PARP9: variants seen among roughly 807,000 people sequenced by gnomAD.
The protein encoded by PARP9 is protein mono-ADP-ribosyltransferase PARP9.
A neutral mutation model predicts 68.8 loss-of-function variants in PARP9; 48 were observed. The observed-to-expected ratio is 0.70, with a 90% CI of 0.55 to 0.89. The LOEUF is 0.89. Ranked by LOEUF, PARP9 falls within the 40% of genes least tolerant of loss-of-function variation. The pLI is 0.00. For missense variants in PARP9, 806 were observed against 969.3 expected (o/e 0.83, Z 2.24); for synonymous variants, 309 against 333.8 (o/e 0.93, Z 0.81).
chr3:122,545,729 G>C (rs2078654090), intron 6 of PARP9: 1 of 521,012 alleles, frequency 1.9e-6, no homozygotes, highest in Admixed American at 3.5e-5. Context: ...TATAAATAAA[G>C]AAGACTATAC....
At position 122,550,809 on chromosome 3, in the gene PARP9, GAAAACACAAATTTAAGATCAGCATT is replaced by G; in HGVS notation, c.1108-32_1108-8del. On this transcript the variant is annotated splice_polypyrimidine_tract_variant and splice_region_variant and intron_variant, in intron 5 of 10. Coordinates refer to ENST00000682323, the MANE Select transcript of PARP9 (RefSeq NM_001146105.2). ...TCATTGCATGTTTTAATATCTGCAG[GAAAACACAAATTTAAGATCAGCATT>G]TGAGTCAAGAACAAGACTCCACTTA... 3 of 1,607,216 alleles carry G rather than the reference GAAAACACAAATTTAAGATCAGCATT, an allele frequency of 1.9e-6. No homozygotes were observed. The highest frequency in any genetic ancestry group is 2.6e-6 in the Non-Finnish European group (3 of 1,174,608).
chr3:122,538,658 C>CCACA (rs10577699), intron 8 of PARP9, among the ~76,000 whole-genome samples: 11,131 of 144,916 alleles, frequency 0.077, 501 homozygotes, highest in Middle Eastern at 0.13. Context: ...TAAAGCAATG[C>CCACA]CACACACACA....
Position 122,540,685 on chromosome 3 carries a change from A to T in PARP9, c.1552T>A (p.Tyr518Asn). Residue 518 changes from tyrosine to asparagine, a missense_variant, in exon 8 of 11, where the codon TAC becomes AAC. Physicochemically the swap from Tyr to Asn is moderately radical, Grantham distance 143 (BLOSUM62 -2). Transcript: ENST00000682323. ...ATGTCATGTTCCTTTCTCCCAAGGT[A>T]CAGAATATGATTATTCTCAATGATG... ...HHIIENNHIL[Y>N]LGRKEHDILS... is the part of the protein sequence containing the mutation. 2 of 1,614,154 alleles carry T rather than the reference A, an allele frequency of 1.2e-6. No homozygotes were observed. The highest frequency in any genetic ancestry group is 1.7e-6 in the Non-Finnish European group (2 of 1,180,020).
At position 122,563,599 on chromosome 3, in the gene PARP9, G is replaced by C. The variant is rs565880445; in HGVS notation, c.-90+646C>G. On this transcript the variant is annotated intron_variant, in intron 1 of 10. Coordinates refer to ENST00000682323, the MANE Select transcript of PARP9 (RefSeq NM_001146105.2). ...CTGCTGGACAGTGCCCATCTAGGTA[G>C]GCTCTCCCTCCTTCATCCCCTCACC... is the stretch of plus-strand genomic sequence containing the variant. 1.4e-4 allele frequency among the ~76,000 whole-genome samples: 22 copies of C among 152,200 alleles called. No individual in the cohort carries two copies. The East Asian group carries it at 4.2e-3, about 29-fold the overall frequency.
chr3:122,564,418 C>T, upstream of PARP9: 1 of 1,604,974 alleles, frequency 6.2e-7, no homozygotes, highest in Non-Finnish European at 8.5e-7. Context: ...CCTCCCGACG[C>T]GCAGAGCCAT....
intron 7 of PARP9, among the ~76,000 whole-genome samples, chr3:122,544,623 T>C (rs1576407288): frequency 1.3e-5 from 2 of 151,838 alleles, no homozygotes; most frequent in East Asian, 3.9e-4. Flanking sequence ...TTAAGACCAG[T>C]CTGGGCAACA....
intron 7 of PARP9, among the ~76,000 whole-genome samples, chr3:122,541,385 C>T (rs566849597): frequency 1.3e-5 from 2 of 152,312 alleles, no homozygotes; most frequent in South Asian, 4.1e-4. Context: ...AATGGATTAG[C>T]TTTATCGTCT....
At chr3:122,547,829 G>A (rs2078886937) in intron 6 of PARP9, among the ~76,000 whole-genome samples, 1 of 152,122 alleles carries the variant, frequency 6.6e-6, no homozygotes, top group Admixed American at 6.5e-5. Context: ...CTCCAGCCGA[G>A]GCAGCAGAGC....
rs2107613119 is a variant in PARP9 at position 122,540,593 on chromosome 3, C to T, written c.1644G>A (p.Glu548=). 1.2e-6 allele frequency: 2 copies of T among 1,614,192 alleles called. No individual in the cohort carries two copies. The highest frequency in any genetic ancestry group is 2.2e-5 in the South Asian group (2 of 91,076). ...CAGCCCGGGCTCCTTCAATCTCTAA[C>T]TCTGTCCTTCCTGGGCTGATAATTT... The part of the protein sequence containing the change: ...ITEIISPGRT[E]LEIEGARADL... Residue 548 remains glutamate, a synonymous_variant, in exon 8 of 11, where the codon GAG becomes GAA. Coordinates refer to ENST00000682323, the MANE Select transcript of PARP9 (RefSeq NM_001146105.2).
upstream of PARP9, chr3:122,564,524 C>T (rs1309980736): frequency 5.0e-6 from 8 of 1,611,664 alleles, no homozygotes; most frequent in South Asian, 2.2e-5. Context: ...TTCCAGAGCT[C>T]TAAGTCCTCG....
chr3:122,564,174 C>A, intron 1 of PARP9, 71 bp downstream of exon 1: 1 of 489,614 alleles, frequency 2.0e-6, no homozygotes. Flanking sequence ...CGCCCGTCCC[C>A]CTTCTCCCCG....
intron 8 of PARP9, 70 bp from the exon 9 acceptor site, chr3:122,537,143 A>C: frequency 6.9e-7 from 1 of 1,457,032 alleles, no homozygotes. Flanking sequence ...TAATGAAACA[A>C]ATTCTAGAAA....
chr3:122,534,522 C>T (rs756139647), intron 10 of PARP9: 167 of 826,608 alleles, frequency 2.0e-4, no homozygotes, highest in Non-Finnish European at 2.3e-4. Flanking sequence ...GCAGTTTTCC[C>T]GCTCCTTTTT....
rs1483989284 is a variant in PARP9 at position 122,555,855 on chromosome 3, C to T, written c.316G>A (p.Glu106Lys). ...AGGCCTCCCCCATGCAGAAGATCTT[C>T]ATTGGCTGCATTCACCACAGCATCA... The part of the protein sequence containing the change: ...AVDAVVNAAN[E>K]DLLHGGGLAL... Residue 106 changes from glutamate to lysine, a missense_variant, in exon 4 of 11, where the codon GAA (glutamate) becomes AAA (lysine). By Grantham distance (56) the Glu-to-Lys change is moderately conservative (BLOSUM62 1). This residue lies in a region of PARP9 where 680 missense variants were observed against 858.8 expected (regional missense o/e 0.79). Transcript: ENST00000682323. 3 of 1,614,094 alleles carry T rather than the reference C, an allele frequency of 1.9e-6. No individual in the cohort carries two copies. The South Asian group carries it at 3.3e-5, about 18-fold the overall frequency.
At chr3:122,539,525 TTCTTTCTTTC>T (rs993006766) in intron 8 of PARP9, among the ~76,000 whole-genome samples, 4 of 32,498 alleles carry the variant, frequency 1.2e-4, no homozygotes, top group African/African-American at 3.8e-4. Context: ...CTTTCTTTCT[TTCTTTCTTTC>T]TTTCTTTCTT....
chr3:122,532,052 G>A, intron 10 of PARP9: 1 of 680,676 alleles, frequency 1.5e-6, no homozygotes. Flanking sequence ...GACTCACAGA[G>A]CAGACAGGAC....
At chr3:122,558,330 T>C (rs2079882957) in intron 3 of PARP9, 104 bp downstream of exon 3, 1 of 1,614,026 alleles carries the variant, frequency 6.2e-7, no homozygotes, top group Non-Finnish European at 8.5e-7. Context: ...GTCACGCACC[T>C]GAGCACTTGT....
chr3:122,544,402 TATC>T (rs2078522153), intron 7 of PARP9, among the ~76,000 whole-genome samples: 1 of 152,344 alleles, frequency 6.6e-6, no homozygotes, highest in African/African-American at 2.4e-5. Context: ...TGTCTGTTAT[TATC>T]ATCATTATAC....
chr3:122,531,754 C>T (rs1275847787), intron 10 of PARP9: 1 of 151,730 alleles, frequency 6.6e-6, no homozygotes, highest in African/African-American at 2.4e-5. Context: ...AAGCTAAAAA[C>T]CAGAAGGATT....
Sources: allele counts gnomAD v4.1 joint callset (sites outside exome capture counted in the v4.1 genomes callset), GRCh38; gene constraint gnomAD v4.1.1; regional missense constraint gnomAD v4.1.1; transcripts MANE v1.5; gene names NCBI Gene and HGNC (gene_info 2026-07-23, HGNC 2026-07-21).